Variants in SUCO observed in about 807,000 individuals in gnomAD.
The protein encoded by SUCO is SUN domain-containing ossification factor.
A neutral mutation model predicts 148.1 loss-of-function variants in SUCO; 57 were observed. The ratio of observed to expected loss-of-function variants is 0.38; its 90% confidence interval spans 0.31 to 0.48. SUCO has a LOEUF of 0.48. SUCO is among the 20% of genes least tolerant of loss of function. The pLI is 0.96. For synonymous variants in SUCO, 470 were observed against 502.7 expected (o/e 0.93, Z 0.87); for missense variants, 1,331 against 1,468.2 (o/e 0.91, Z 1.53).
At chr1:172,574,682 C>CA (rs1655300051) in intron 10 of SUCO, among the ~76,000 whole-genome samples, 1 of 151,910 alleles carries the variant, frequency 6.6e-6, no homozygotes, top group Admixed American at 6.5e-5. Context: ...TTTTGTTCAA[C>CA]AGAGATGTGA....
At chr1:172,586,504 G>A (rs926642089) in intron 17 of SUCO, among the ~76,000 whole-genome samples, 1 of 152,028 alleles carries the variant, frequency 6.6e-6, no homozygotes, top group Non-Finnish European at 1.5e-5. Context: ...TACCTTTTTT[G>A]TCTTTTCTGC....
At chr1:172,604,124 A>G (rs1426185568) in intron 22 of SUCO, among the ~76,000 whole-genome samples, 1 of 151,806 alleles carries the variant, frequency 6.6e-6, no homozygotes, top group East Asian at 1.9e-4. Context: ...AACATTCCTT[A>G]TTTGAGGTAT....
intron 6 of SUCO, among the ~76,000 whole-genome samples, chr1:172,566,405 C>G (rs1654554928): frequency 1.3e-5 from 2 of 152,240 alleles, no homozygotes; most frequent in South Asian, 4.1e-4. Context: ...TCACTGCCAT[C>G]TCTGCTTTCT....
At chr1:172,534,325 A>T (rs1034876307) in intron 1 of SUCO, among the ~76,000 whole-genome samples, 1 of 152,176 alleles carries the variant, frequency 6.6e-6, no homozygotes, top group Non-Finnish European at 1.5e-5. Flanking sequence ...CCTCCCAGGG[A>T]ATTTCTTCAA....
intron 2 of SUCO, chr1:172,552,525 A>G: frequency 1.9e-6 from 1 of 522,766 alleles, no homozygotes; most frequent in Non-Finnish European, 2.5e-6. Context: ...GTGTATCAAC[A>G]CATACTTACA....
At chr1:172,594,507 A>G (rs894358636) in intron 19 of SUCO, among the ~76,000 whole-genome samples, 3 of 152,190 alleles carry the variant, frequency 2.0e-5, no homozygotes, top group Non-Finnish European at 2.9e-5. Flanking sequence ...TTCAAAGAAC[A>G]TCTTTATTTC....
chr1:172,535,802 A>G (rs1195311853), intron 1 of SUCO, among the ~76,000 whole-genome samples: 1 of 152,150 alleles, frequency 6.6e-6, no homozygotes, highest in African/African-American at 2.4e-5. Flanking sequence ...TCATGCTACC[A>G]ATATTACTGT....
rs769971364 is a variant in SUCO at position 172,600,161 on chromosome 1, A to G, written c.3011A>G (p.Lys1004Arg). 4 of 1,607,976 alleles carry G rather than the reference A, an allele frequency of 2.5e-6. 1 individual carries two copies. Among genetic ancestry groups the G allele is most frequent in the Non-Finnish European group, 3.4e-6 (4 of 1,177,286 alleles). ...SNLSATVAEL[K>R]REVSDRQSYL... ...TTATCAGCAACAGTAGCAGAATTGA[A>G]ACGGGAGGTAATTGTTATTGCTGGT... Residue 1004 changes from lysine to arginine, a missense_variant, in exon 20 of 24, where the codon AAA becomes AGA. Around this residue, in one of 3 missense-constraint regions of SUCO, gnomAD observed 334 missense variants for 352.3 expected, o/e 0.95. Transcript: ENST00000263688.
At chr1:172,579,144 A>AT in intron 14 of SUCO, 58 bp from the exon 15 acceptor site, 1 of 946,962 alleles carries the variant, frequency 1.1e-6, no homozygotes, top group South Asian at 1.4e-5. Flanking sequence ...GAGCTTTTAA[A>AT]TATGTTACCA....
At chr1:172,544,200 A>T in intron 1 of SUCO, 1 of 895,060 alleles carries the variant, frequency 1.1e-6, no homozygotes, top group Non-Finnish European at 1.3e-6. Flanking sequence ...TTAACTTTGA[A>T]TTTATGTTTA....
At chr1:172,565,377 G>C (rs926581978) in intron 6 of SUCO, among the ~76,000 whole-genome samples, 6 of 152,188 alleles carry the variant, frequency 3.9e-5, no homozygotes, top group African/African-American at 1.4e-4. Flanking sequence ...CTCGCTGTTA[G>C]GAAAATAATA....
At chr1:172,596,834 A>C (rs1236933069) in intron 19 of SUCO, among the ~76,000 whole-genome samples, 3 of 152,214 alleles carry the variant, frequency 2.0e-5, no homozygotes, top group African/African-American at 7.2e-5. Flanking sequence ...GGGACGTTTA[A>C]GTCTGCAGAA....
At chr1:172,608,034 C>T (rs1199012549) in intron 22 of SUCO, 1 of 967,622 alleles carries the variant, frequency 1.0e-6, no homozygotes, top group Non-Finnish European at 1.2e-6. Flanking sequence ...AAATGTGTGT[C>T]TATTTTGTCA....
chr1:172,554,174 A>T (rs952980501), intron 3 of SUCO, among the ~76,000 whole-genome samples: 2 of 152,218 alleles, frequency 1.3e-5, no homozygotes, highest in African/African-American at 4.8e-5. Flanking sequence ...AAGCAATAGA[A>T]TTAGTTTCAT....
chr1:172,554,399 G>A (rs566050554), intron 3 of SUCO, among the ~76,000 whole-genome samples: 2 of 152,134 alleles, frequency 1.3e-5, no homozygotes, highest in Non-Finnish European at 2.9e-5. Flanking sequence ...AGCCACATGT[G>A]GCCATTAAGC....
At chr1:172,573,030 TAAAA>T (rs201475169) in intron 9 of SUCO, among the ~76,000 whole-genome samples, 3 of 151,318 alleles carry the variant, frequency 2.0e-5, no homozygotes, top group Non-Finnish European at 4.4e-5. Flanking sequence ...AGCATCATTT[TAAAA>T]AAAAACAGCT....
intron 9 of SUCO, among the ~76,000 whole-genome samples, chr1:172,571,138 C>T (rs1015676722): frequency 3.9e-5 from 6 of 152,248 alleles, no homozygotes; most frequent in Non-Finnish European, 7.3e-5. Flanking sequence ...GCTGCCATCT[C>T]GGCACACTGC....
chr1:172,537,386 A>G (rs1316314367), intron 1 of SUCO, among the ~76,000 whole-genome samples: 2 of 152,206 alleles, frequency 1.3e-5, no homozygotes, highest in Non-Finnish European at 2.9e-5. Context: ...ATGTCATAGT[A>G]TAGAAGAGGA....
intron 22 of SUCO, among the ~76,000 whole-genome samples, chr1:172,605,073 A>T (rs1657776168): frequency 6.6e-6 from 1 of 151,728 alleles, no homozygotes; most frequent in Non-Finnish European, 1.5e-5. Flanking sequence ...TCCGTTATGG[A>T]TTATAACCCC....
Sources: allele counts gnomAD v4.1 joint callset (sites outside exome capture counted in the v4.1 genomes callset), GRCh38; gene constraint gnomAD v4.1.1; regional missense constraint gnomAD v4.1.1; transcripts MANE v1.5; gene names NCBI Gene and HGNC (gene_info 2026-07-23, HGNC 2026-07-21).